The following IQSEC1 variants were observed in gnomAD, a reference collection of about 807,000 sequenced individuals.
The protein encoded by IQSEC1 is IQ motif and SEC7 domain-containing protein 1.
IQSEC1 carries 31 observed loss-of-function variants against 91.0 expected under a neutral mutation model. The ratio of observed to expected loss-of-function variants is 0.34; its 90% CI spans 0.26 to 0.46. IQSEC1 has a LOEUF of 0.46. Among genes scored for constraint, IQSEC1 ranks in the 20% least tolerant of loss-of-function variants. The pLI is 1.00. For missense variants in IQSEC1, 1,388 were observed against 1,575.6 expected (o/e 0.88, Z 2.02); for synonymous variants, 699 against 662.6 (o/e 1.05, Z -0.84).
intron 1 of IQSEC1, among the ~76,000 whole-genome samples, chr3:13,064,491 C>A (rs360876): frequency 0.36 from 55,199 of 152,062 alleles, 11,098 homozygotes; most frequent in East Asian, 0.66. Context: ...GGTGGGCCTA[C>A]CCTATAGTCA....
rs141328100 is a variant in IQSEC1 at position 13,086,288 on chromosome 3, T to C, written c.303-38766A>G. On this transcript the variant is annotated intron_variant, in intron 2 of 15. Transcript: ENST00000648114. ...GGAGGGTGACAGGAGATGATGCCGGTTTGTGCCCACCGTGGCGGGGATGAC... is the reference window on the plus strand; with the variant it reads ...GGAGGGTGACAGGAGATGATGCCGGCTTGTGCCCACCGTGGCGGGGATGAC... Among the ~76,000 whole-genome samples the C allele has an allele frequency of 2.5e-3, 383 of 152,012 alleles. 4 individuals are homozygous for C. The highest frequency in any genetic ancestry group is 0.023 in the Admixed American group (351 of 15,226).
intron 1 of IQSEC1, among the ~76,000 whole-genome samples, chr3:12,961,019 C>T (rs1433591555): frequency 6.6e-6 from 1 of 152,264 alleles, no homozygotes. Flanking sequence ...CCAGATGGCA[C>T]CTCTGCCCAC....
At chr3:12,993,444 C>T (rs1042210449) in intron 1 of IQSEC1, among the ~76,000 whole-genome samples, 4 of 111,418 alleles carry the variant, frequency 3.6e-5, no homozygotes, top group African/African-American at 1.0e-4. Flanking sequence ...TTTCTCCGCC[C>T]GGAGGCAGCA....
chr3:13,073,091 C>A lies in IQSEC1; in HGVS notation c.-77G>T, dbSNP rs1023301209. 2.0e-6 allele frequency: 3 copies of A among 1,517,982 alleles called. No individual in the cohort carries two copies. Among genetic ancestry groups the A allele is most frequent in the East Asian group, 2.5e-5 (1 of 39,956 alleles). The allele number at this position is 1,517,982 out of a possible 1,614,324, so 94.0% of individuals were successfully genotyped here. ...TCAACGTGTTTCCAAGAGGAGCAGG[C>A]GGCTCAGGCAAGAAGTGGAGGGGAA... On this transcript the variant is annotated 5_prime_UTR_variant, in exon 1 of 14. Transcript: ENST00000613206.
chr3:13,130,359 A>G lies in IQSEC1; in HGVS notation c.302+33745T>C, dbSNP rs369521256. ...ACTCTGTCAAAAAAAAAAAAAAAAA[A>G]AAAGAAAGAAAGAAAGAAATGTATT... is the stretch of plus-strand genomic sequence containing the variant. On this transcript the variant is annotated intron_variant, in intron 2 of 15. Transcript: ENST00000648114. Among the ~76,000 whole-genome samples, 1,238 of 148,378 alleles carry G rather than the reference A, an allele frequency of 8.3e-3. 17 individuals carry two copies. Among genetic ancestry groups the G allele is most frequent in the African/African-American group, 0.026 (978 of 38,322 alleles).
chr3:13,072,362 G>C (rs557019117), intron 1 of IQSEC1, among the ~76,000 whole-genome samples: 6 of 152,236 alleles, frequency 3.9e-5, no homozygotes, highest in Non-Finnish European at 8.8e-5. Flanking sequence ...TAACCGAAGC[G>C]CAGGCTTTGG....
At chr3:13,138,189 C>CT (rs1706741102) in intron 2 of IQSEC1, among the ~76,000 whole-genome samples, 1 of 152,216 alleles carries the variant, frequency 6.6e-6, no homozygotes, top group African/African-American at 2.4e-5. Context: ...GCACAGCACT[C>CT]TCTCTCACAA....
intron 1 of IQSEC1, among the ~76,000 whole-genome samples, chr3:13,037,115 T>C (rs772159836): frequency 3.6e-4 from 54 of 152,112 alleles, no homozygotes; most frequent in Non-Finnish European, 5.1e-4. Context: ...TGAATCTCTC[T>C]TTCTCTCCTC....
Position 13,177,720 on chromosome 3 carries a change from C to A in IQSEC1, c.273-13587G>T, listed in dbSNP as rs150384973. Among the ~76,000 whole-genome samples, 750 of 152,326 alleles carry A rather than the reference C, an allele frequency of 4.9e-3. 7 individuals carry two copies. The highest frequency in any genetic ancestry group is 0.017 in the African/African-American group (712 of 41,568). ...ACAGAACAGTTGTTGCTGTTCACGG[C>A]CACCCACACTGCCTGTCCTGCTGTT... On this transcript the variant is annotated intron_variant, in intron 1 of 15. Transcript: ENST00000648114.
chr3:12,966,400 C>T (rs750693194), intron 1 of IQSEC1, among the ~76,000 whole-genome samples: 1 of 152,228 alleles, frequency 6.6e-6, no homozygotes, highest in Non-Finnish European at 1.5e-5. Context: ...CCAGAGGGGG[C>T]CTGACATAAG....
intron 1 of IQSEC1, among the ~76,000 whole-genome samples, chr3:13,233,282 T>A (rs1030711700): frequency 6.6e-6 from 1 of 151,916 alleles, no homozygotes; most frequent in East Asian, 1.9e-4. Flanking sequence ...AGGGACCAGA[T>A]GCAAGTGTTC....
chr3:13,095,001 T>G (rs989059372), intron 2 of IQSEC1, among the ~76,000 whole-genome samples: 3 of 152,152 alleles, frequency 2.0e-5, no homozygotes, highest in Non-Finnish European at 2.9e-5. Flanking sequence ...GTGGTGATCA[T>G]GACCATTTGT....
At chr3:12,903,020 T>C (rs1005167503) in intron 12 of IQSEC1, among the ~76,000 whole-genome samples, 198 bp from the exon 13 acceptor site, 3 of 151,986 alleles carry the variant, frequency 2.0e-5, no homozygotes, top group African/African-American at 7.2e-5. Context: ...AGTGCAAGAA[T>C]GAATTTTAAA....
intron 1 of IQSEC1, among the ~76,000 whole-genome samples, chr3:13,010,280 C>A (rs184782621): frequency 6.6e-6 from 1 of 152,310 alleles, no homozygotes; most frequent in African/African-American, 2.4e-5. Context: ...CCCCAATTTT[C>A]TTTGGGGAAT....
At chr3:13,223,095 G>A (rs1694691855) in intron 1 of IQSEC1, among the ~76,000 whole-genome samples, 1 of 152,226 alleles carries the variant, frequency 6.6e-6, no homozygotes, top group Non-Finnish European at 1.5e-5. Flanking sequence ...GGGGAGGTGT[G>A]ACCCATCCAG....
chr3:13,268,051 G>A (rs535662020), intron 1 of IQSEC1, among the ~76,000 whole-genome samples: 8 of 152,324 alleles, frequency 5.3e-5, no homozygotes, highest in South Asian at 4.1e-4. Flanking sequence ...AGTCCTGTCC[G>A]TGAGGGACAA....
At chr3:13,145,000 A>G (rs1706864672) in intron 2 of IQSEC1, among the ~76,000 whole-genome samples, 1 of 152,156 alleles carries the variant, frequency 6.6e-6, no homozygotes, top group Non-Finnish European at 1.5e-5. Context: ...CAGTCCCGGG[A>G]GTGTTCACAG....
At chr3:13,080,454 A>T (rs1705630885) in intron 2 of IQSEC1, among the ~76,000 whole-genome samples, 1 of 152,092 alleles carries the variant, frequency 6.6e-6, no homozygotes, top group South Asian at 2.1e-4. Context: ...GGAGGGAGAT[A>T]TAACCCCTGC....
intron 1 of IQSEC1, among the ~76,000 whole-genome samples, chr3:13,247,873 C>G (rs1032216752): frequency 2.6e-5 from 4 of 152,172 alleles, no homozygotes; most frequent in Non-Finnish European, 2.9e-5. Flanking sequence ...GGAACCCTGC[C>G]TCCACGGCCT....
Sources: gnomAD v4.1 joint callset for allele counts (sites outside exome capture counted in the v4.1 genomes callset) on GRCh38, gnomAD v4.1.1 for gene constraint, MANE v1.5 for transcripts, NCBI Gene and HGNC (gene_info 2026-07-23, HGNC 2026-07-21) for gene names.